Variants in TMEM44 observed in about 807,000 individuals in gnomAD.
TMEM44 encodes transmembrane protein 44.
Under a neutral mutation model 47.8 loss-of-function variants are expected in TMEM44, and 43 were observed. That is an observed-to-expected ratio of 0.90 (90% confidence interval 0.70 to 1.16). TMEM44 has a LOEUF of 1.16. Among genes scored for constraint, TMEM44 ranks in the 50% most tolerant of loss-of-function variants. TMEM44 has a pLI of 0.00. For synonymous variants in TMEM44, 277 were observed against 238.8 expected (o/e 1.16, Z -1.48); for missense variants, 568 against 555.2 (o/e 1.02, Z -0.23).
intron 9 of TMEM44, chr3:194,593,006 C>A: frequency 6.2e-7 from 1 of 1,612,946 alleles, no homozygotes; most frequent in Non-Finnish European, 8.5e-7. Flanking sequence ...CATAGGAAGT[C>A]CCTCCTGGAA....
At chr3:194,606,352 G>T (rs1714774707) in intron 8 of TMEM44, among the ~76,000 whole-genome samples, 1 of 152,136 alleles carries the variant, frequency 6.6e-6, no homozygotes, top group Admixed American at 6.6e-5. Context: ...TTTCCAGATG[G>T]CCCTTCTAAT....
intron 5 of TMEM44, among the ~76,000 whole-genome samples, chr3:194,618,004 G>T (rs1363130476): frequency 1.3e-5 from 2 of 152,206 alleles, no homozygotes; most frequent in African/African-American, 4.8e-5. Flanking sequence ...CAGAAGCCCA[G>T]CAGATGCTGG....
chr3:194,605,106 TTCTATGTA>T (rs901802035), intron 8 of TMEM44, among the ~76,000 whole-genome samples: 6 of 152,178 alleles, frequency 3.9e-5, no homozygotes, highest in African/African-American at 9.7e-5. Flanking sequence ...TTGTGAGATT[TTCTATGTA>T]TCTATGTATC....
chr3:194,621,618 T>C lies in TMEM44; in HGVS notation c.612+1606A>G, dbSNP rs1394828155. On this transcript the variant is annotated intron_variant, in intron 5 of 9. Coordinates refer to ENST00000347147, the MANE Select transcript of TMEM44 (RefSeq NM_001011655.3). ...GGCTTCTGGCAGTCACAGCACAGAATGCAGCTTCACTGACTTCACCAACAA... is the reference window on the plus strand; with the variant it reads ...GGCTTCTGGCAGTCACAGCACAGAACGCAGCTTCACTGACTTCACCAACAA... Among the ~76,000 whole-genome samples the C allele has an allele frequency of 2.6e-5, 4 of 152,128 alleles. No homozygotes were observed. In the East Asian group the frequency reaches 7.7e-4, roughly 29 times the overall value.
intron 9 of TMEM44, chr3:194,589,921 C>T (rs996056703): frequency 6.6e-6 from 1 of 151,988 alleles, no homozygotes; most frequent in African/African-American, 2.4e-5. Context: ...CATTTCCAAG[C>T]GTCTATGATG....
intron 9 of TMEM44, chr3:194,593,130 C>CAGCAG: frequency 6.3e-7 from 1 of 1,578,780 alleles, no homozygotes; most frequent in South Asian, 1.1e-5. Context: ...CACCATCCCA[C>CAGCAG]AGCAGAGCAG....
intron 9 of TMEM44, among the ~76,000 whole-genome samples, chr3:194,601,409 A>G (rs1714105705): frequency 6.7e-6 from 1 of 149,128 alleles, no homozygotes; most frequent in South Asian, 2.1e-4. Flanking sequence ...GGTTCAAGCA[A>G]TTCTCCCGCC....
At chr3:194,621,906 T>A (rs1165881182) in intron 5 of TMEM44, among the ~76,000 whole-genome samples, 2 of 152,162 alleles carry the variant, frequency 1.3e-5, no homozygotes, top group Admixed American at 6.5e-5. Context: ...GAGACGGGGT[T>A]TCAGCATGTT....
chr3:194,611,131 CTCTT>C lies in TMEM44; in HGVS notation c.913-115_913-112del, dbSNP rs1715283690. On this transcript the variant is annotated intron_variant, in intron 7 of 9. Transcript: ENST00000347147. The surrounding 1 kb of genome is among the most constrained non-coding windows in gnomAD (Gnocchi z 4.2). ...AGGACCCCCGTGGTATTTTCTCTCT[CTCTT>C]TTTTAACGGCACGTCTCACTTTCTG... 2.4e-6 allele frequency: 2 copies of C among 835,936 alleles called. No homozygotes were observed. Among genetic ancestry groups the C allele is most frequent in the Admixed American group, 2.1e-5 (1 of 47,460 alleles). The allele number at this position is 835,936 out of a possible 1,614,324, so 51.8% of individuals were successfully genotyped here.
chr3:194,614,883 C>T (rs1015016664), intron 7 of TMEM44, among the ~76,000 whole-genome samples: 2 of 152,054 alleles, frequency 1.3e-5, no homozygotes, highest in Non-Finnish European at 2.9e-5. Context: ...ATTGCGAAAC[C>T]GGAGGATCCT....
At chr3:194,608,079 C>T (rs987726499) in intron 8 of TMEM44, among the ~76,000 whole-genome samples, 2 of 152,214 alleles carry the variant, frequency 1.3e-5, no homozygotes, top group Admixed American at 6.5e-5. Flanking sequence ...TGATGTAGAA[C>T]TTCCCAGTGC....
intron 7 of TMEM44, among the ~76,000 whole-genome samples, chr3:194,612,617 C>CA (rs34561970): frequency 0.49 from 68,820 of 141,436 alleles, 16,785 homozygotes; most frequent in Non-Finnish European, 0.56. Context: ...GAGTTTTTTC[C>CA]AAAAAAAAAA....
chr3:194,616,436 C>A (rs571181808), intron 6 of TMEM44: 27 of 383,988 alleles, frequency 7.0e-5, no homozygotes, highest in South Asian at 4.9e-4. Context: ...GGCCCTAACT[C>A]CAACAGCTGG....
chr3:194,618,328 T>C (rs1215435654), intron 5 of TMEM44, among the ~76,000 whole-genome samples: 2 of 151,890 alleles, frequency 1.3e-5, no homozygotes, highest in Admixed American at 6.6e-5. Flanking sequence ...TAAGCAGCCT[T>C]TATATACAGA....
intron 9 of TMEM44, among the ~76,000 whole-genome samples, chr3:194,592,504 G>A (rs1286031946): frequency 2.6e-5 from 4 of 152,164 alleles, no homozygotes; most frequent in East Asian, 1.9e-4. Context: ...TGGGTTACAC[G>A]TCTTCTTGGA....
At chr3:194,603,747 G>A (rs1714426772) in intron 9 of TMEM44, among the ~76,000 whole-genome samples, 1 of 152,180 alleles carries the variant, frequency 6.6e-6, no homozygotes, top group South Asian at 2.1e-4. Flanking sequence ...TCACTCAAGT[G>A]ATCGGTGAAG....
chr3:194,632,939 C>T, intron 1 of TMEM44, 140 bp downstream of exon 1: 1 of 1,240,586 alleles, frequency 8.1e-7, no homozygotes, highest in Non-Finnish European at 1.1e-6. Flanking sequence ...GTCTACAGAG[C>T]AATGTTCCAT....
At chr3:194,609,982 A>T (rs370700600) in intron 8 of TMEM44, among the ~76,000 whole-genome samples, 1 of 152,252 alleles carries the variant, frequency 6.6e-6, no homozygotes, top group African/African-American at 2.4e-5. Context: ...TAGTCCCAGC[A>T]CTTTGGGAGG....
At chr3:194,588,767 G>A in intron 9 of TMEM44, 128 bp from the exon 10 acceptor site, 1 of 899,168 alleles carries the variant, frequency 1.1e-6, no homozygotes, top group Non-Finnish European at 1.7e-6. Flanking sequence ...AGGACAAAAG[G>A]GTAAGGACAA....
Sources: gnomAD v4.1 joint callset for allele counts (sites outside exome capture counted in the v4.1 genomes callset) on GRCh38, gnomAD v4.1.1 for gene constraint, Gnocchi (gnomAD v3.1) non-coding constraint, MANE v1.5 for transcripts, NCBI Gene and HGNC (gene_info 2026-07-23, HGNC 2026-07-21) for gene names.